The following ORC4 variants were observed in gnomAD, a reference collection of about 807,000 sequenced individuals.
The protein encoded by ORC4 is origin recognition complex, subunit 4 homolog.
ORC4 carries 55 observed loss-of-function variants against 63.9 expected under a neutral mutation model. That is an observed-to-expected ratio of 0.86 (90% CI 0.69 to 1.08). The LOEUF is 1.08. Among genes scored for constraint, ORC4 ranks in the 50% least tolerant of loss-of-function variants. The probability of loss-of-function intolerance (pLI) is 0.00; values close to 1 mark genes in which losing one functional copy is unlikely to be tolerated. For synonymous variants in ORC4, 150 were observed against 168.5 expected, an observed-to-expected ratio of 0.89 and a Z score of 0.85; for missense variants, 511 against 504.4, an observed-to-expected ratio of 1.01 and a Z score of -0.13.
At chr2:147,968,815 G>A (rs2105339573) in intron 4 of ORC4, among the ~76,000 whole-genome samples, 1 of 151,960 alleles carries the variant, frequency 6.6e-6, no homozygotes, top group African/African-American at 2.4e-5. Flanking sequence ...CATTACATCA[G>A]AGAGACATCT....
intron 1 of ORC4, among the ~76,000 whole-genome samples, chr2:148,014,991 C>T (rs1317933544): frequency 2.0e-5 from 3 of 151,794 alleles, no homozygotes; most frequent in African/African-American, 7.2e-5. Flanking sequence ...AGAATATCAC[C>T]AATATCTTTA....
Position 147,939,160 on chromosome 2 carries a change from G to C in ORC4, c.938C>G (p.Ser313Trp), listed in dbSNP as rs752102540. ...CTCACCATGTACAATATTTGCTTTC[G>C]AGTCCATGCTACACAGTTGGCTTGC... ...MEASQLCSMD[S>W]KANIVHGLSV... The change falls in exon 11 of 14, where the codon TCG becomes TGG. Residue 313 changes from serine (S) to tryptophan (W), a missense_variant. By Grantham distance (177) the Ser-to-Trp change is radical. Transcript: ENST00000392857. The C allele has an allele frequency of 1.9e-6, 3 of 1,607,968 alleles. No homozygotes were observed. Among genetic ancestry groups the C allele is most frequent in the South Asian group, 1.1e-5 (1 of 90,940 alleles).
At chr2:148,021,281 G>C (rs1025934526), upstream of ORC4, 2 of 359,060 alleles carry the variant, frequency 5.6e-6, no homozygotes, top group Non-Finnish European at 1.1e-5. Context: ...AGCCCTGAGA[G>C]GGGGATTGAG....
chr2:147,972,604 AAAGT>A (rs1690281201), intron 4 of ORC4, 131 bp downstream of exon 4: 3 of 490,712 alleles, frequency 6.1e-6, no homozygotes, highest in Non-Finnish European at 6.9e-6. Flanking sequence ...AAAAAACAAA[AAAGT>A]AAAACATTAC....
At chr2:147,992,349 T>C (rs573494082) in intron 1 of ORC4, among the ~76,000 whole-genome samples, 2 of 152,270 alleles carry the variant, frequency 1.3e-5, no homozygotes, top group South Asian at 4.1e-4. Flanking sequence ...CATGAACTCC[T>C]GGCCTCAAGC....
chr2:147,941,123 C>T (rs1050272229), intron 10 of ORC4, among the ~76,000 whole-genome samples: 5 of 152,094 alleles, frequency 3.3e-5, no homozygotes, highest in Admixed American at 1.3e-4. Flanking sequence ...ATTGTATCTT[C>T]ACAACTCTCT....
At chr2:148,011,361 A>G (rs1477670362) in intron 1 of ORC4, among the ~76,000 whole-genome samples, 1 of 152,360 alleles carries the variant, frequency 6.6e-6, no homozygotes, top group East Asian at 1.9e-4. Flanking sequence ...CAACAGAATG[A>G]AGGACACAAA....
rs554090327 is a variant in ORC4 at position 147,998,272 on chromosome 2, C to T, written c.-17-22297G>A. ...AAAGTCTGACCTCACTTTGGTCATGCTATAATTTGGATTTGGTTTCTTTAT... is the reference window on the plus strand; with the variant it reads ...AAAGTCTGACCTCACTTTGGTCATGTTATAATTTGGATTTGGTTTCTTTAT... On this transcript the variant is annotated intron_variant, in intron 1 of 13. Transcript: ENST00000392857. 3.3e-5 allele frequency among the ~76,000 whole-genome samples: 5 copies of T among 152,196 alleles called. No individual in the cohort carries two copies. In the South Asian group the frequency reaches 1.0e-3, roughly 32 times the overall value.
chr2:147,971,041 G>A (rs1192136735), intron 4 of ORC4, among the ~76,000 whole-genome samples: 2 of 152,082 alleles, frequency 1.3e-5, no homozygotes, highest in East Asian at 3.9e-4. Context: ...GGAGGCTGAG[G>A]TGGGAGGACT....
intron 1 of ORC4, among the ~76,000 whole-genome samples, chr2:147,996,497 AAC>A (rs1457422645): frequency 6.6e-6 from 1 of 152,218 alleles, no homozygotes; most frequent in East Asian, 1.9e-4. Flanking sequence ...AGAAAATTAA[AAC>A]ACAAAATACA....
At chr2:148,021,412 A>C, upstream of ORC4, 1 of 508,484 alleles carries the variant, frequency 2.0e-6, no homozygotes, top group Non-Finnish European at 3.9e-6. Context: ...TGAGAGGAGG[A>C]GAGAAAGAAA....
At chr2:147,960,940 ATT>A (rs769182354) in intron 4 of ORC4, among the ~76,000 whole-genome samples, 4 of 150,654 alleles carry the variant, frequency 2.7e-5, no homozygotes. Context: ...AGCCATATCA[ATT>A]TTTTTTTTAA....
At chr2:148,000,714 G>A (rs1416417157) in intron 1 of ORC4, among the ~76,000 whole-genome samples, 1 of 152,062 alleles carries the variant, frequency 6.6e-6, no homozygotes, top group African/African-American at 2.4e-5. Flanking sequence ...TCTTGATGAT[G>A]GATAAACTGA....
chr2:147,931,729 A>AG lies in ORC4; in HGVS notation c.*3780dup, dbSNP rs1158681650. On this transcript the variant is annotated 3_prime_UTR_variant, in exon 14 of 14. Transcript: ENST00000392857. ...AACACATGATTATCTCAATAGATGC[A>AG]GAAAAAGCCTTTGACAAAATTCAAC... is the stretch of plus-strand genomic sequence containing the variant. 1 of 152,172 alleles carries AG rather than the reference A, an allele frequency of 6.6e-6. No homozygotes were observed. Among genetic ancestry groups the AG allele is most frequent in the East Asian group, 1.9e-4 (1 of 5,192 alleles). The allele number at this position is 152,172 out of a possible 1,614,324, so 9.4% of individuals were successfully genotyped here. A position where few individuals can be genotyped will look rare whatever the true frequency, so the allele number is the denominator to read the frequency against.
chr2:147,987,988 G>C (rs1374814565), intron 1 of ORC4, among the ~76,000 whole-genome samples: 2 of 150,940 alleles, frequency 1.3e-5, no homozygotes, highest in Admixed American at 1.3e-4. Flanking sequence ...GGGAGGCGGA[G>C]CTTGCAGTGA....
chr2:147,997,561 TGTAA>T (rs1692045219), intron 1 of ORC4, among the ~76,000 whole-genome samples: 2 of 152,296 alleles, frequency 1.3e-5, no homozygotes, highest in South Asian at 4.1e-4. Flanking sequence ...ATTGTTATTT[TGTAA>T]GTATTTAATA....
At chr2:147,986,027 T>C (rs1373756103) in intron 1 of ORC4, among the ~76,000 whole-genome samples, 2 of 152,226 alleles carry the variant, frequency 1.3e-5, no homozygotes, top group Non-Finnish European at 2.9e-5. Flanking sequence ...ACGGTTATTA[T>C]AACAGATGTT....
chr2:147,996,904 G>C (rs1692008300), intron 1 of ORC4, among the ~76,000 whole-genome samples: 1 of 152,108 alleles, frequency 6.6e-6, no homozygotes, highest in South Asian at 2.1e-4. Context: ...ATGTACCCTG[G>C]TTACACCCAA....
At chr2:147,979,008 C>A (rs1690717135) in intron 1 of ORC4, among the ~76,000 whole-genome samples, 1 of 152,018 alleles carries the variant, frequency 6.6e-6, no homozygotes, top group Admixed American at 6.6e-5. Context: ...AACATCACAC[C>A]CCAAAGGTAA....
Sources: allele counts gnomAD v4.1 joint callset (sites outside exome capture counted in the v4.1 genomes callset), GRCh38; gene constraint gnomAD v4.1.1; transcripts MANE v1.5; gene names NCBI Gene and HGNC (gene_info 2026-07-23, HGNC 2026-07-21).